MPPED1: variants seen among roughly 807,000 people sequenced by gnomAD.
The protein encoded by MPPED1 is metallophosphoesterase domain containing 1.
In MPPED1, 16 loss-of-function variants were observed where a neutral mutation model predicts 36.2. The ratio of observed to expected loss-of-function variants is 0.44; its 90% CI spans 0.30 to 0.67. MPPED1 has a LOEUF of 0.67. Among genes scored for constraint, MPPED1 ranks in the 30% least tolerant of loss-of-function variants. The pLI is 0.10. For synonymous variants in MPPED1, 199 were observed against 191.3 expected (o/e 1.04, Z -0.33); for missense variants, 307 against 453.4 (o/e 0.68, Z 2.93).
At chr22:43,453,318 C>T (rs773016369) in intron 3 of MPPED1, among the ~76,000 whole-genome samples, 3 of 138,588 alleles carry the variant, frequency 2.2e-5, no homozygotes, top group Admixed American at 1.5e-4. Flanking sequence ...GCCGTTTCCC[C>T]GCACCACCCC....
rs371090679 is a variant in MPPED1, at chr22:43,434,427, G to C, written c.225-607G>C. Reference sequence around the variant, plus strand: ...CGGCGGACGTGCGCTGCACAGCCCGGGCAGTTGTCCTCATCGCCCGACCAC... The same window carrying C: ...CGGCGGACGTGCGCTGCACAGCCCGCGCAGTTGTCCTCATCGCCCGACCAC... On this transcript the variant is annotated intron_variant, in intron 2 of 6. Transcript: ENST00000443721. 5.3e-5 allele frequency among the ~76,000 whole-genome samples: 8 copies of C among 152,288 alleles called. 1 individual carries two copies. Among genetic ancestry groups the C allele is most frequent in the African/African-American group, 7.2e-5 (3 of 41,568 alleles).
intron 1 of MPPED1, among the ~76,000 whole-genome samples, chr22:43,420,510 T>G (rs1929231480): frequency 6.6e-6 from 1 of 152,118 alleles, no homozygotes; most frequent in African/African-American, 2.4e-5. Context: ...GTTCATGTGA[T>G]TCTTCTACCT....
intron 5 of MPPED1, among the ~76,000 whole-genome samples, chr22:43,501,761 G>T (rs1932741658): frequency 6.6e-6 from 1 of 151,956 alleles, no homozygotes; most frequent in Non-Finnish European, 1.5e-5. Context: ...TCAACCCAGT[G>T]TCTGCCCCCA....
chr22:43,412,704 C>CCAT (rs1928948194), intron 1 of MPPED1, among the ~76,000 whole-genome samples: 1 of 59,186 alleles, frequency 1.7e-5, no homozygotes, highest in South Asian at 6.4e-4. Context: ...CATCCATCCA[C>CCAT]TCACTCAACA....
intron 3 of MPPED1, among the ~76,000 whole-genome samples, chr22:43,464,357 C>T (rs1931088573): frequency 6.7e-6 from 1 of 149,618 alleles, no homozygotes. Flanking sequence ...GGGATGTGAT[C>T]ATGGGGCCCT....
chr22:43,476,423 A>T (rs79690734), intron 4 of MPPED1, among the ~76,000 whole-genome samples: 106 of 152,238 alleles, frequency 7.0e-4, no homozygotes, highest in African/African-American at 2.3e-3. Flanking sequence ...AGGCTGCACT[A>T]TCAGGAAGCA....
At chr22:43,441,075 C>G (rs1930132766) in intron 3 of MPPED1, among the ~76,000 whole-genome samples, 1 of 152,186 alleles carries the variant, frequency 6.6e-6, no homozygotes, top group Non-Finnish European at 1.5e-5. Context: ...GCCTCCATCT[C>G]TCTCATCCAG....
intron 1 of MPPED1, among the ~76,000 whole-genome samples, chr22:43,423,488 T>C (rs1247647738): frequency 6.6e-6 from 1 of 152,162 alleles, no homozygotes; most frequent in Non-Finnish European, 1.5e-5. Flanking sequence ...TTTTCCCCCT[T>C]GTCTCTGCAG....
At chr22:43,438,591 A>G (rs1295862267) in intron 3 of MPPED1, among the ~76,000 whole-genome samples, 1 of 152,088 alleles carries the variant, frequency 6.6e-6, no homozygotes. Context: ...GGTGAGGGCT[A>G]AAGCTCCAGA....
At chr22:43,447,883 A>ATATATATATATATATATATATATATT (rs1321289636) in intron 3 of MPPED1, among the ~76,000 whole-genome samples, 6 of 67,696 alleles carry the variant, frequency 8.9e-5, no homozygotes, top group African/African-American at 1.3e-4. Flanking sequence ...ATATATATAT[A>ATATATATATATATATATATATATATT]TTTTTTTTTT....
At chr22:43,478,385 T>A (rs1377344777) in intron 4 of MPPED1, among the ~76,000 whole-genome samples, 1 of 152,162 alleles carries the variant, frequency 6.6e-6, no homozygotes, top group East Asian at 1.9e-4. Flanking sequence ...GGACATGGTG[T>A]GGACAGACAG....
At chr22:43,499,633 T>A (rs1479516592) in intron 5 of MPPED1, among the ~76,000 whole-genome samples, 1 of 69,838 alleles carries the variant, frequency 1.4e-5, no homozygotes, top group Admixed American at 1.8e-4. Context: ...GTGATGATGG[T>A]GGAGGTGGTG....
At chr22:43,416,952 C>G in intron 1 of MPPED1, 1 of 984,766 alleles carries the variant, frequency 1.0e-6, no homozygotes, top group South Asian at 4.7e-5. Flanking sequence ...GAGCCGACTG[C>G]ATTCATAGCT....
At chr22:43,493,253 C>G (rs1455482974) in intron 4 of MPPED1, among the ~76,000 whole-genome samples, 1 of 152,222 alleles carries the variant, frequency 6.6e-6, no homozygotes, top group Non-Finnish European at 1.5e-5. Context: ...CCTCCATCTT[C>G]TAGTCCAGGA....
chr22:43,505,403 GC>G, intron 6 of MPPED1, 94 bp from the exon 7 acceptor site: 1 of 1,087,536 alleles, frequency 9.2e-7, no homozygotes, highest in Non-Finnish European at 1.3e-6. Context: ...AACACATTCA[GC>G]CCACAGGGGC....
intron 3 of MPPED1, among the ~76,000 whole-genome samples, chr22:43,439,117 C>T (rs1378558489): frequency 1.3e-5 from 2 of 152,356 alleles, no homozygotes; most frequent in African/African-American, 2.4e-5. Flanking sequence ...TTCCTGCGGA[C>T]TCTAACTTGC....
intron 3 of MPPED1, among the ~76,000 whole-genome samples, chr22:43,447,883 A>ATATATATATATATTTTTT (rs1321289636): frequency 8.9e-5 from 6 of 67,738 alleles, no homozygotes; most frequent in Non-Finnish European, 1.6e-4. Flanking sequence ...ATATATATAT[A>ATATATATATATATTTTTT]TTTTTTTTTT....
At chr22:43,443,293 G>A (rs1410374436) in intron 3 of MPPED1, among the ~76,000 whole-genome samples, 1 of 152,178 alleles carries the variant, frequency 6.6e-6, no homozygotes, top group African/African-American at 2.4e-5. Context: ...TTATTCTAGA[G>A]GCCACTGGGG....
intron 4 of MPPED1, among the ~76,000 whole-genome samples, chr22:43,497,532 A>G (rs375746639): frequency 4.6e-5 from 7 of 152,070 alleles, no homozygotes; most frequent in South Asian, 2.1e-4. Context: ...ACTGCCTGCA[A>G]TTGGAAGGAT....
Sources: gnomAD v4.1 joint callset for allele counts (sites outside exome capture counted in the v4.1 genomes callset) on GRCh38, gnomAD v4.1.1 for gene constraint, MANE v1.5 for transcripts, NCBI Gene and HGNC (gene_info 2026-07-23, HGNC 2026-07-21) for gene names.